Variants in GFM1 observed in about 807,000 individuals in gnomAD.
GFM1 encodes G elongation factor mitochondrial 1.
In GFM1, 62 loss-of-function variants were observed where a neutral mutation model predicts 96.2. The observed-to-expected ratio is 0.64, with a 90% CI of 0.53 to 0.80. GFM1 has a LOEUF of 0.80. Ranked by LOEUF, GFM1 falls within the 30% of genes least tolerant of loss-of-function variation. GFM1 has a pLI of 0.00. For missense variants in GFM1, 852 were observed against 916.6 expected (o/e 0.93, Z 0.91); for synonymous variants, 282 against 312.9 (o/e 0.90, Z 1.04).
chr3:158,649,960 T>A, intron 5 of GFM1: 1 of 1,464,720 alleles, frequency 6.8e-7, no homozygotes, highest in South Asian at 1.2e-5. Context: ...TAAATGATCC[T>A]TTGTTCTGAG....
Position 158,690,150 on chromosome 3 carries a change from T to G in GFM1, c.1910-13T>G. ...TATGAAGACTAATGAACTTTTTTTT[T>G]TTTTTAACCCAGCCTTGGCAAATGC... On this transcript the variant is annotated splice_polypyrimidine_tract_variant and intron_variant, in intron 15 of 17. Transcript: ENST00000486715. The G allele has an allele frequency of 6.2e-7, 1 of 1,612,358 alleles. No homozygotes were observed. The highest frequency in any genetic ancestry group is 8.5e-7 in the Non-Finnish European group (1 of 1,179,002).
chr3:158,659,008 A>G lies in GFM1; in HGVS notation c.1170A>G (p.Arg390=). Residue 390 remains arginine, a synonymous_variant, in exon 9 of 18, where the codon AGA becomes AGG. Transcript: ENST00000486715. ...ACACCATCTATAACACAAGGACAAG[A>G]AAGAAAGTACGGTTGCAACGGCTGG... ...KGDTIYNTRT[R]KKVRLQRLAR... The G allele has an allele frequency of 6.2e-7, 1 of 1,614,226 alleles. No individual in the cohort carries two copies.
Position 158,655,249 on chromosome 3 carries a change from G to A in GFM1, c.1083+618G>A, listed in dbSNP as rs139886154. On this transcript the variant is annotated intron_variant, in intron 8 of 17. Coordinates refer to ENST00000486715, the MANE Select transcript of GFM1 (RefSeq NM_024996.7). ...CAGATCAGAAGGTCAGGAGTGGGAG[G>A]CCAAGGCGGGCGGATCACAAGGTCA... Among the ~76,000 whole-genome samples, 871 of 152,160 alleles carry A rather than the reference G, an allele frequency of 5.7e-3. 15 individuals are homozygous for A. The highest frequency in any genetic ancestry group is 0.02 in the African/African-American group (841 of 41,514).
intron 6 of GFM1, among the ~76,000 whole-genome samples, chr3:158,652,949 A>G (rs1722412096): frequency 6.6e-6 from 1 of 152,048 alleles, no homozygotes; most frequent in Admixed American, 6.5e-5. Flanking sequence ...TTTTGCGTAT[A>G]TATTACTTTT....
chr3:158,686,459 C>T (rs1296145670), intron 15 of GFM1, among the ~76,000 whole-genome samples: 1 of 149,004 alleles, frequency 6.7e-6, no homozygotes, highest in African/African-American at 2.4e-5. Context: ...ATGCACCATC[C>T]AAAAATGGCA....
intron 13 of GFM1, among the ~76,000 whole-genome samples, chr3:158,679,058 C>T (rs566171373): frequency 1.3e-5 from 2 of 152,302 alleles, no homozygotes; most frequent in African/African-American, 4.8e-5. Flanking sequence ...GCAGCCATCA[C>T]CTTGATCAGT....
chr3:158,685,480 G>A (rs1725761671), intron 15 of GFM1, among the ~76,000 whole-genome samples: 1 of 152,132 alleles, frequency 6.6e-6, no homozygotes, highest in African/African-American at 2.4e-5. Context: ...GGATTAAAGT[G>A]GACAGTAGAA....
chr3:158,645,817 C>G, intron 2 of GFM1, 36 bp downstream of exon 2: 1 of 1,538,254 alleles, frequency 6.5e-7, no homozygotes, highest in South Asian at 1.1e-5. Flanking sequence ...TTAATTAGAA[C>G]CAGATTTTAA....
chr3:158,655,009 T>C (rs967695582), intron 8 of GFM1, among the ~76,000 whole-genome samples: 5 of 152,208 alleles, frequency 3.3e-5, no homozygotes, highest in African/African-American at 1.2e-4. Context: ...AATTTCCTAA[T>C]TGTTAGATGT....
intron 5 of GFM1, among the ~76,000 whole-genome samples, chr3:158,651,759 T>A (rs1368780433): frequency 2.6e-5 from 4 of 152,220 alleles, no homozygotes; most frequent in African/African-American, 9.6e-5. Flanking sequence ...ATATATTTTA[T>A]CATTTTCTTC....
chr3:158,683,993 C>T (rs955506861), intron 14 of GFM1, among the ~76,000 whole-genome samples: 1 of 152,052 alleles, frequency 6.6e-6, no homozygotes, highest in Non-Finnish European at 1.5e-5. Flanking sequence ...AAATGTGGTA[C>T]AAACACACCA....
chr3:158,655,858 C>T, intron 8 of GFM1: 1 of 457,382 alleles, frequency 2.2e-6, no homozygotes, highest in Non-Finnish European at 4.4e-6. Context: ...ACAGAAGGCC[C>T]ATCCAGAGGA....
At chr3:158,653,755 G>A (rs1560130817) in intron 7 of GFM1, among the ~76,000 whole-genome samples, 1 of 122,058 alleles carries the variant, frequency 8.2e-6, no homozygotes, top group Non-Finnish European at 1.7e-5. Flanking sequence ...CAGACATACT[G>A]TTAAAAAAAA....
At chr3:158,672,523 CG>C in intron 13 of GFM1, 1 of 1,610,030 alleles carries the variant, frequency 6.2e-7, no homozygotes, top group Non-Finnish European at 8.5e-7. Context: ...TCTGGCTTAA[CG>C]GGACCAGTAG....
intron 13 of GFM1, chr3:158,671,161 C>A: frequency 8.5e-7 from 1 of 1,178,162 alleles, no homozygotes; most frequent in African/African-American, 1.6e-5. Context: ...AAAGGCATGT[C>A]ACCATGAATG....
At chr3:158,686,068 A>T (rs562426233) in intron 15 of GFM1, among the ~76,000 whole-genome samples, 12 of 151,630 alleles carry the variant, frequency 7.9e-5, no homozygotes, top group Admixed American at 7.9e-4. Flanking sequence ...CTACATTTAA[A>T]TATGAGTAAA....
intron 8 of GFM1, chr3:158,656,193 G>T: frequency 8.8e-6 from 2 of 226,920 alleles, no homozygotes; most frequent in Non-Finnish European, 1.7e-5. Flanking sequence ...CGCTCTTGTT[G>T]CCCAGGCTGG....
At chr3:158,650,229 G>A in intron 5 of GFM1, 1 of 626,108 alleles carries the variant, frequency 1.6e-6, no homozygotes, top group Non-Finnish European at 2.8e-6. Context: ...TAGGATATAA[G>A]GCCCAGTAAG....
chr3:158,677,250 C>G (rs1724982334), intron 13 of GFM1, among the ~76,000 whole-genome samples: 1 of 152,226 alleles, frequency 6.6e-6, no homozygotes, highest in African/African-American at 2.4e-5. Flanking sequence ...CACATTCTCT[C>G]TCTCTCTGTC....
Sources: gnomAD v4.1 joint callset for allele counts (sites outside exome capture counted in the v4.1 genomes callset) on GRCh38, gnomAD v4.1.1 for gene constraint, MANE v1.5 for transcripts, NCBI Gene and HGNC (gene_info 2026-07-23, HGNC 2026-07-21) for gene names.